The following PASK variants were observed in gnomAD, a reference collection of about 807,000 sequenced individuals.
PASK encodes the protein PAS domain-containing serine/threonine-protein kinase.
A neutral mutation model predicts 121.0 loss-of-function variants in PASK; 110 were observed. The observed-to-expected ratio is 0.91, with a 90% CI of 0.78 to 1.06. PASK has a LOEUF of 1.06. Among genes scored for constraint, PASK ranks in the 50% least tolerant of loss-of-function variants. The pLI, the probability that PASK is intolerant of heterozygous loss-of-function variation, is 0.00. For synonymous variants in PASK, 686 were observed against 717.8 expected (o/e 0.96, Z 0.71); for missense variants, 1,643 against 1,702.3 (o/e 0.97, Z 0.61).
In PASK at chr2:241,128,606, C is replaced by T. The variant is rs79145138; in HGVS notation, c.1464-1155G>A. Among the ~76,000 whole-genome samples the T allele has an allele frequency of 7.2e-3, 1,094 of 152,276 alleles. 7 individuals are homozygous for T. The highest frequency in any genetic ancestry group is 0.019 in the African/African-American group (773 of 41,560). ...CAGAGGCTCAGAAAGAGGACAGGAT[C>T]GGGCACAGTGGCCCACACCTGTAAT... On this transcript the variant is annotated intron_variant, in intron 9 of 17. Coordinates refer to ENST00000234040, the MANE Select transcript of PASK (RefSeq NM_015148.4).
chr2:241,113,937 C>T (rs1177594015), intron 14 of PASK: 4 of 982,020 alleles, frequency 4.1e-6, no homozygotes, highest in Admixed American at 6.2e-5. Flanking sequence ...TCTGTATTTA[C>T]ATAGAATAAC....
chr2:241,118,322 C>A (rs1395230433), intron 12 of PASK, among the ~76,000 whole-genome samples: 1 of 151,808 alleles, frequency 6.6e-6, no homozygotes. Context: ...TAAGGACACA[C>A]TTAAGATAGA....
rs13388388 is a variant in PASK, at chr2:241,109,044, C to T, written c.3534-744G>A. ...CTGTCACCGTAAACATCCTCATCCA[C>T]GCTACCATTTATTTCCTGTCGCCGT... is the stretch of plus-strand genomic sequence containing the variant. On this transcript the variant is annotated intron_variant, in intron 15 of 17. Transcript: ENST00000234040. 7.5e-3 allele frequency: 744 copies of T among 99,818 alleles called. 2 individuals carry two copies. Among genetic ancestry groups the T allele is most frequent in the African/African-American group, 0.026 (342 of 13,284 alleles). The allele number at this position is 99,818 out of a possible 1,614,324, so 6.2% of individuals were successfully genotyped here. A position where few individuals can be genotyped will look rare whatever the true frequency, so the allele number is the denominator to read the frequency against.
intron 10 of PASK, among the ~76,000 whole-genome samples, chr2:241,124,360 G>A (rs2065758128): frequency 6.6e-6 from 1 of 152,204 alleles, no homozygotes; most frequent in South Asian, 2.1e-4. Flanking sequence ...GACCCCTGGG[G>A]CATAGCCTGC....
intron 16 of PASK, among the ~76,000 whole-genome samples, chr2:241,107,734 G>A (rs2064947300): frequency 6.6e-6 from 1 of 152,234 alleles, no homozygotes; most frequent in South Asian, 2.1e-4. Context: ...AAATCCAGGT[G>A]GTGCAGAGGT....
At chr2:241,119,467 T>G (rs2065510926) in intron 12 of PASK, among the ~76,000 whole-genome samples, 1 of 131,452 alleles carries the variant, frequency 7.6e-6, no homozygotes, top group Non-Finnish European at 1.5e-5. Flanking sequence ...GCAAGATGCT[T>G]CTTTTTTTTT....
intron 1 of PASK, among the ~76,000 whole-genome samples, chr2:241,144,149 C>CGT (rs35476448): frequency 1.3e-5 from 2 of 151,964 alleles, no homozygotes; most frequent in Non-Finnish European, 2.9e-5. Flanking sequence ...TGTACATGAG[C>CGT]GTGTGTGTGT....
chr2:241,127,954 T>C (rs374032953), intron 9 of PASK, among the ~76,000 whole-genome samples: 1 of 152,198 alleles, frequency 6.6e-6, no homozygotes, highest in South Asian at 2.1e-4. Flanking sequence ...ATTTGGGAAA[T>C]GGCTCTCAGA....
At chr2:241,130,024 G>A (rs992205723) in intron 9 of PASK, among the ~76,000 whole-genome samples, 2 of 152,192 alleles carry the variant, frequency 1.3e-5, no homozygotes, top group African/African-American at 4.8e-5. Flanking sequence ...AACTAAAGGA[G>A]ACAACTTACG....
Position 241,126,103 on chromosome 2 carries a change from C to T in PASK, c.2719+93G>A. 2.7e-6 allele frequency: 3 copies of T among 1,091,898 alleles called. No individual in the cohort carries two copies. The South Asian group carries it at 3.8e-5, about 14-fold the overall frequency. 67.6% of individuals were successfully genotyped at this position (1,091,898 alleles called of 1,614,324 possible). A position where few individuals can be genotyped will look rare whatever the true frequency, so the allele number is the denominator to read the frequency against. Reference sequence around the variant, plus strand: ...CTGCTAACACTATTCCAGGGTGAAACCCCATCAGACCCCAGAACAAGGAAG... The same window carrying T: ...CTGCTAACACTATTCCAGGGTGAAATCCCATCAGACCCCAGAACAAGGAAG... On this transcript the variant is annotated intron_variant, in intron 10 of 17. Transcript: ENST00000234040.
Position 241,108,464 on chromosome 2 carries a change from C to G in PASK, c.3534-164G>C. The G allele has an allele frequency of 1.4e-6, 1 of 719,914 alleles. No individual in the cohort carries two copies. The highest frequency in any genetic ancestry group is 2.4e-6 in the Non-Finnish European group (1 of 411,568). The allele number at this position is 719,914 out of a possible 1,614,324, so 44.6% of individuals were successfully genotyped here. A position where few individuals can be genotyped will look rare whatever the true frequency, so the allele number is the denominator to read the frequency against. On this transcript the variant is annotated intron_variant, in intron 15 of 17. Coordinates refer to ENST00000234040, the MANE Select transcript of PASK (RefSeq NM_015148.4). The surrounding 1 kb of genome is among the most constrained non-coding windows in gnomAD (Gnocchi z 5.2). ...CTCAAACACGCCCTCCATTTCCACG[C>G]ACTTCTGCCCCAGGCCAGCCAGCAG...
rs570492651 is a variant in PASK at position 241,117,432 on chromosome 2, G to A, written c.3073-2019C>T. On this transcript the variant is annotated intron_variant, in intron 12 of 17. Transcript: ENST00000234040. ...CCTGACACTCTAGGTGAAGAGGCCT[G>A]CGGCCTGTCCAGCTGCAGGGCCAAG... 2.0e-5 allele frequency among the ~76,000 whole-genome samples: 3 copies of A among 152,356 alleles called. No homozygotes were observed. The South Asian group carries it at 6.2e-4, about 32-fold the overall frequency.
intron 2 of PASK, among the ~76,000 whole-genome samples, chr2:241,142,396 C>T (rs77858520): frequency 4.3e-4 from 66 of 151,784 alleles, no homozygotes; most frequent in African/African-American, 1.5e-3. Flanking sequence ...GAGGCACCAA[C>T]GGAATCTGGA....
Position 241,115,176 on chromosome 2 carries a change from AC to A in PASK, c.3199del (p.Val1067TyrfsTer14), listed in dbSNP as rs1245340841. The A allele has an allele frequency of 6.2e-6, 10 of 1,614,036 alleles. No homozygotes were observed. The Admixed American group carries it at 1.7e-4, about 27-fold the overall frequency. The part of the protein sequence containing the change: ...SRVEHANIIK[V>X]LDIFENQGFF... ...CCCTTGGTTTTCAAATATATCCAAT[AC>A]CTAGGAAGAGACAAAGCCAAGTCCA... On this transcript the variant is annotated frameshift_variant and splice_region_variant, in exon 14 of 18. Coordinates refer to ENST00000234040, the MANE Select transcript of PASK (RefSeq NM_015148.4). LOFTEE classifies it high-confidence loss of function.
chr2:241,123,384 T>TA (rs1235674542), intron 11 of PASK, among the ~76,000 whole-genome samples: 1 of 151,982 alleles, frequency 6.6e-6, no homozygotes, highest in Non-Finnish European at 1.5e-5. Flanking sequence ...TTCACTGTGT[T>TA]AGCCAGGATG....
rs2064974504 is a variant in PASK, at chr2:241,108,376, T to C, written c.3534-76A>G. Reference sequence around the variant, plus strand: ...CCAAGCCCGCCCATGGGAAGCACCATGGCCCTTCCCGACCAGCACACAGGC... The same window carrying C: ...CCAAGCCCGCCCATGGGAAGCACCACGGCCCTTCCCGACCAGCACACAGGC... On this transcript the variant is annotated intron_variant, in intron 15 of 17. Coordinates refer to ENST00000234040, the MANE Select transcript of PASK (RefSeq NM_015148.4). This position sits in a 1 kb window ranked among gnomAD's most constrained non-coding sequence, Gnocchi z 5.2. 6.8e-7 allele frequency: 1 copy of C among 1,480,664 alleles called. No homozygotes were observed. The highest frequency in any genetic ancestry group is 9.3e-7 in the Non-Finnish European group (1 of 1,070,558). 91.7% of individuals were successfully genotyped at this position (1,480,664 alleles called of 1,614,324 possible). A position where few individuals can be genotyped will look rare whatever the true frequency, so the allele number is the denominator to read the frequency against.
chr2:241,111,181 G>C (rs1284645096), intron 15 of PASK, among the ~76,000 whole-genome samples: 2 of 152,242 alleles, frequency 1.3e-5, no homozygotes, highest in African/African-American at 4.8e-5. Flanking sequence ...GCTCGTGCGT[G>C]ACTGCGAGCA....
rs1425239033 is a variant in PASK at position 241,124,119 on chromosome 2, C to T, written c.2734G>A (p.Val912Met). ...GGGCCCTGGAGCTCCACCCGCCTCA[C>T]CTCAAACTGTATACCTGAAGGGTGA... ...DGLRLSIQFE[V>M]RRVELQGPTP... The change falls in exon 11 of 18, where the codon GTG becomes ATG. Residue 912 changes from valine to methionine, a missense_variant. By Grantham distance (21) the Val-to-Met change is conservative (BLOSUM62 1). This residue lies in a region of PASK where 14 missense variants were observed against 28.9 expected (regional missense o/e 0.48). Coordinates refer to ENST00000234040, the MANE Select transcript of PASK (RefSeq NM_015148.4). 2.5e-6 allele frequency: 4 copies of T among 1,613,966 alleles called. No homozygotes were observed. Among genetic ancestry groups the T allele is most frequent in the Non-Finnish European group, 3.4e-6 (4 of 1,179,958 alleles).
chr2:241,113,393 CAT>C (rs2065187484), intron 14 of PASK: 2 of 151,936 alleles, frequency 1.3e-5, no homozygotes, highest in African/African-American at 4.8e-5. Flanking sequence ...TTTATATATA[CAT>C]ACCTGCATAT....
Sources: gnomAD v4.1 joint callset for allele counts (sites outside exome capture counted in the v4.1 genomes callset) on GRCh38, gnomAD v4.1.1 for gene constraint, gnomAD v4.1.1 regional missense constraint, Gnocchi (gnomAD v3.1) non-coding constraint, MANE v1.5 for transcripts, NCBI Gene and HGNC (gene_info 2026-07-23, HGNC 2026-07-21) for gene names.